Variants in BLM observed in about 807,000 individuals in gnomAD.
BLM encodes the protein recQ-like DNA helicase BLM.
A neutral mutation model predicts 135.3 loss-of-function variants in BLM; 95 were observed. The observed-to-expected ratio is 0.70, with a 90% CI of 0.59 to 0.83. The LOEUF (loss-of-function observed/expected upper bound fraction) is 0.83, where lower values mean the gene tolerates loss of function less well. Ranked by LOEUF, BLM falls within the 40% of genes least tolerant of loss-of-function variation. The probability of loss-of-function intolerance (pLI) is 0.00; values close to 1 mark genes in which losing one functional copy is unlikely to be tolerated. For synonymous variants in BLM, 520 were observed against 589.2 expected, an observed-to-expected ratio of 0.88 and a Z score of 1.70; for missense variants, 1,518 against 1,663.9, an observed-to-expected ratio of 0.91 and a Z score of 1.53.
chr15:90,804,010 A>C (rs1040530768), intron 18 of BLM, among the ~76,000 whole-genome samples, 157 bp from the exon 19 acceptor site: 12 of 152,358 alleles, frequency 7.9e-5, no homozygotes, highest in Middle Eastern at 3.4e-3. Flanking sequence ...GGAGATACAA[A>C]GATGGAGAAT....
intron 1 of BLM, among the ~76,000 whole-genome samples, chr15:90,742,824 A>G (rs887464989): frequency 6.6e-6 from 1 of 151,282 alleles, no homozygotes; most frequent in Non-Finnish European, 1.5e-5. Flanking sequence ...TTTTGTAGAG[A>G]CAGGTCGTAC....
chr15:90,757,061 A>G (rs1895838336), intron 5 of BLM, among the ~76,000 whole-genome samples: 1 of 152,206 alleles, frequency 6.6e-6, no homozygotes, highest in Non-Finnish European at 1.5e-5. Context: ...AAAAAAGGAA[A>G]TACATTAAGA....
chr15:90,780,360 G>A (rs1896589171), intron 12 of BLM, among the ~76,000 whole-genome samples: 1 of 152,174 alleles, frequency 6.6e-6, no homozygotes, highest in African/African-American at 2.4e-5. Context: ...TGGGATTACA[G>A]GCGTGAGCCA....
rs1478602900 is a variant in BLM, at chr15:90,717,930, T to A, written c.-5+490T>A. On this transcript the variant is annotated intron_variant, in intron 1 of 21. Transcript: ENST00000355112. ...ACCCTTGATCTTACAACTGTAGCTT[T>A]ACGATATCCCAGCAAAGCGAAGTGC... Among the ~76,000 whole-genome samples, 2 of 152,226 alleles carry A rather than the reference T, an allele frequency of 1.3e-5. 1 individual carries two copies. The highest frequency in any genetic ancestry group is 6.3e-3 in the Middle Eastern group (2 of 316).
At chr15:90,730,326 T>G (rs895532210) in intron 1 of BLM, among the ~76,000 whole-genome samples, 1 of 152,222 alleles carries the variant, frequency 6.6e-6, no homozygotes, top group Non-Finnish European at 1.5e-5. Context: ...AAAGTATTGA[T>G]AGTGGGCATT....
At chr15:90,733,775 C>G (rs1895127827) in intron 1 of BLM, among the ~76,000 whole-genome samples, 1 of 152,112 alleles carries the variant, frequency 6.6e-6, no homozygotes, top group African/African-American at 2.4e-5. Flanking sequence ...GTTTCCTCAT[C>G]CCCCTTAATT....
At chr15:90,754,726 T>C (rs1895770539) in intron 4 of BLM, 85 bp from the exon 5 acceptor site, 25 of 1,394,412 alleles carry the variant, frequency 1.8e-5, no homozygotes, top group Non-Finnish European at 2.3e-5. Context: ...TGATCAGTGG[T>C]AGAAAAATAT....
chr15:90,765,387 T>A lies in BLM; in HGVS notation c.2166T>A (p.Asp722Glu). The stretch of plus-strand genomic sequence containing the variant: ...CTCCCTTGAGATCACTTATCGTAGA[T>A]CAAGTCCAAAAGCTGACTTCCTTGG... ...VISPLRSLIV[D>E]QVQKLTSLDI... Residue 722 changes from aspartate (D) to glutamate (E), a missense_variant, in exon 9 of 22, where the codon GAT becomes GAA. Asp to Glu is a conservative substitution (Grantham distance 45, BLOSUM62 2). Around this residue, in one of 5 missense-constraint regions of BLM, gnomAD observed 626 missense variants for 681.1 expected, o/e 0.92. Transcript: ENST00000355112. 1 of 1,612,042 alleles carries A rather than the reference T, an allele frequency of 6.2e-7. No homozygotes were observed.
chr15:90,782,407 C>T (rs1434724490), intron 12 of BLM, among the ~76,000 whole-genome samples: 1 of 151,850 alleles, frequency 6.6e-6, no homozygotes, highest in Non-Finnish European at 1.5e-5. Flanking sequence ...CAAAACAAAA[C>T]AAAACAAAAA....
At chr15:90,765,499 G>A (rs1415963225) in intron 9 of BLM, 85 bp downstream of exon 9, 26 of 1,111,356 alleles carry the variant, frequency 2.3e-5, no homozygotes, top group Non-Finnish European at 2.9e-5. Context: ...TAAATAGTTC[G>A]TGATTTGTAA....
chr15:90,743,716 A>T (rs1895429374), intron 1 of BLM, among the ~76,000 whole-genome samples: 1 of 152,134 alleles, frequency 6.6e-6, no homozygotes. Context: ...TTTGTGTCCA[A>T]CAATTGTATC....
chr15:90,786,806 G>A (rs1896760978), intron 14 of BLM, among the ~76,000 whole-genome samples: 1 of 151,776 alleles, frequency 6.6e-6, no homozygotes, highest in African/African-American at 2.4e-5. Flanking sequence ...GTAGAGACAG[G>A]GTTTCACCAT....
At chr15:90,775,510 A>ATG (rs200736562) in intron 12 of BLM, among the ~76,000 whole-genome samples, 2,950 of 144,840 alleles carry the variant, frequency 0.02, 65 homozygotes, top group African/African-American at 0.05. Flanking sequence ...TTATATATAT[A>ATG]TGTGTGTGTG....
At chr15:90,742,404 C>T (rs1370677839) in intron 1 of BLM, among the ~76,000 whole-genome samples, 1 of 152,108 alleles carries the variant, frequency 6.6e-6, no homozygotes, top group Non-Finnish European at 1.5e-5. Flanking sequence ...CACTGAATGT[C>T]TTGGAGTAGT....
At chr15:90,804,623 C>A (rs1397070539) in intron 19 of BLM, among the ~76,000 whole-genome samples, 1 of 151,948 alleles carries the variant, frequency 6.6e-6, no homozygotes, top group Admixed American at 6.6e-5. Context: ...ACCAGCATGC[C>A]CAGCTAATTT....
chr15:90,798,395 AT>A, intron 17 of BLM, 58 bp downstream of exon 17: 1 of 1,558,294 alleles, frequency 6.4e-7, no homozygotes. Context: ...CATCTAAAGA[AT>A]TTATTACAAG....
chr15:90,773,471 A>G (rs1306621601), intron 12 of BLM, among the ~76,000 whole-genome samples: 2 of 149,822 alleles, frequency 1.3e-5, no homozygotes, highest in Non-Finnish European at 3.0e-5. Flanking sequence ...AATAAAATTT[A>G]CATACCATAA....
rs28385009 is a variant in BLM at position 90,760,181 on chromosome 15, T to C, written c.1122T>C (p.His374=). ...RQISLQQQLI[H]VMEHICKLID... ...TAAGTTTACAGCAGCAGCTTATTCA[T>C]GTGATGGAGCACATCTGTAAATTAA... The change falls in exon 6 of 22, where the codon CAT becomes CAC. Residue 374 remains histidine, a synonymous_variant. Coordinates refer to ENST00000355112, the MANE Select transcript of BLM (RefSeq NM_000057.4). The C allele has an allele frequency of 3.8e-3, 6,171 of 1,612,700 alleles. 94 individuals carry two copies. The highest frequency in any genetic ancestry group is 0.031 in the East Asian group (1,372 of 44,860).
chr15:90,752,503 A>G lies in BLM; in HGVS notation c.959+557A>G, dbSNP rs888605517. Among the ~76,000 whole-genome samples the G allele has an allele frequency of 5.3e-5, 8 of 152,314 alleles. No individual in the cohort carries two copies. The South Asian group carries it at 1.7e-3, about 32-fold the overall frequency. The stretch of plus-strand genomic sequence containing the variant: ...TATATAGTTGATTTTGACATAAGGA[A>G]TATATTTCTAAAAATATTATATTTC... On this transcript the variant is annotated intron_variant, in intron 4 of 21. Coordinates refer to ENST00000355112, the MANE Select transcript of BLM (RefSeq NM_000057.4).
Sources: allele counts gnomAD v4.1 joint callset (sites outside exome capture counted in the v4.1 genomes callset), GRCh38; gene constraint gnomAD v4.1.1; regional missense constraint gnomAD v4.1.1; transcripts MANE v1.5; gene names NCBI Gene and HGNC (gene_info 2026-07-23, HGNC 2026-07-21).